Variants in THSD7B observed in about 807,000 individuals in gnomAD.
THSD7B encodes the protein thrombospondin type 1 domain containing 7B, also known as thrombospondin type-1 domain-containing protein 7B.
In THSD7B, 138 loss-of-function variants were observed where a neutral mutation model predicts 213.6. That is an observed-to-expected ratio of 0.65 (90% CI 0.56 to 0.74). The LOEUF is 0.74. Ranked by LOEUF, THSD7B falls within the 30% of genes least tolerant of loss-of-function variation. THSD7B has a pLI of 0.00. For synonymous variants in THSD7B, 742 were observed against 687.0 expected (o/e 1.08, Z -1.25); for missense variants, 1,931 against 1,991.5 (o/e 0.97, Z 0.58).
At chr2:137,254,928 G>T (rs549196347) in intron 10 of THSD7B, among the ~76,000 whole-genome samples, 2 of 152,040 alleles carry the variant, frequency 1.3e-5, no homozygotes, top group South Asian at 4.1e-4. Context: ...GAAAGAGTGA[G>T]GGGGGGCTCT....
At chr2:137,668,804 A>G (rs897585996) in intron 27 of THSD7B, among the ~76,000 whole-genome samples, 1 of 152,350 alleles carries the variant, frequency 6.6e-6, no homozygotes, top group Admixed American at 6.5e-5. Context: ...TAAGAAAATC[A>G]TAAGGAATAC....
intron 12 of THSD7B, among the ~76,000 whole-genome samples, chr2:137,350,971 A>G (rs1685000488): frequency 6.6e-6 from 1 of 151,842 alleles, no homozygotes; most frequent in Non-Finnish European, 1.5e-5. Flanking sequence ...TGGATATGTC[A>G]AGTTTGAAGA....
chr2:137,281,158 T>C (rs945893839), intron 12 of THSD7B, among the ~76,000 whole-genome samples: 3 of 152,134 alleles, frequency 2.0e-5, no homozygotes, highest in African/African-American at 7.2e-5. Context: ...AAGAGGCAGA[T>C]CTCTAAACTC....
At chr2:137,287,757 TG>T (rs1683219219) in intron 12 of THSD7B, among the ~76,000 whole-genome samples, 1 of 151,596 alleles carries the variant, frequency 6.6e-6, no homozygotes, top group African/African-American at 2.4e-5. Context: ...ATAAAATTGA[TG>T]TTGGATGTGA....
At chr2:137,183,211 T>A (rs1188271375) in intron 7 of THSD7B, among the ~76,000 whole-genome samples, 4 of 152,134 alleles carry the variant, frequency 2.6e-5, no homozygotes, top group African/African-American at 9.7e-5. Context: ...ACAGAAACAT[T>A]GAAGAGTTGA....
intron 1 of THSD7B, among the ~76,000 whole-genome samples, chr2:136,805,316 G>T (rs990845609): frequency 6.6e-6 from 1 of 152,148 alleles, no homozygotes; most frequent in East Asian, 1.9e-4. Flanking sequence ...AGTGTCCACA[G>T]TTCAATCTGT....
chr2:137,197,973 A>G (rs747181406), intron 7 of THSD7B, among the ~76,000 whole-genome samples: 1 of 152,130 alleles, frequency 6.6e-6, no homozygotes, highest in Admixed American at 6.6e-5. Flanking sequence ...TGTGCACAGT[A>G]TGTGTTGTGG....
chr2:137,544,495 G>A (rs569899478), intron 15 of THSD7B, among the ~76,000 whole-genome samples: 20 of 151,748 alleles, frequency 1.3e-4, no homozygotes, highest in Admixed American at 5.3e-4. Flanking sequence ...TTCTTTTAGC[G>A]ATGAGGAAAT....
intron 15 of THSD7B, among the ~76,000 whole-genome samples, chr2:137,546,454 ATTATATATAATAT>A: frequency 3.3e-5 from 1 of 30,658 alleles, no homozygotes; most frequent in Non-Finnish European, 5.1e-5. Flanking sequence ...TTATATATAT[ATTATATATAATAT>A]ATATATATAT....
At chr2:136,932,784 G>A (rs1684652637) in intron 2 of THSD7B, among the ~76,000 whole-genome samples, 1 of 152,134 alleles carries the variant, frequency 6.6e-6, no homozygotes, top group Admixed American at 6.5e-5. Flanking sequence ...AAGCGGACCT[G>A]TGCAGTTAAA....
intron 2 of THSD7B, among the ~76,000 whole-genome samples, chr2:136,913,351 A>T (rs1182473980): frequency 6.6e-6 from 1 of 152,234 alleles, no homozygotes. Flanking sequence ...AAGTTCAGAA[A>T]ATTTGCAACC....
intron 15 of THSD7B, among the ~76,000 whole-genome samples, chr2:137,493,034 T>G (rs1679462953): frequency 6.9e-6 from 1 of 145,672 alleles, no homozygotes; most frequent in South Asian, 2.2e-4. Context: ...GGAGGGAGAA[T>G]TGCTTGAACC....
At chr2:136,819,154 T>A (rs1316466250) in intron 1 of THSD7B, among the ~76,000 whole-genome samples, 1 of 152,126 alleles carries the variant, frequency 6.6e-6, no homozygotes, top group Non-Finnish European at 1.5e-5. Flanking sequence ...AAATATATAA[T>A]AGGCAAAAAA....
intron 2 of THSD7B, among the ~76,000 whole-genome samples, chr2:136,903,964 GTGTGTGTGTT>G (rs763778673): frequency 0.11 from 7,438 of 66,448 alleles, 426 homozygotes; most frequent in African/African-American, 0.26. Flanking sequence ...GTGTGTGTGT[GTGTGTGTGTT>G]TGTTTGTTTC....
intron 20 of THSD7B, among the ~76,000 whole-genome samples, chr2:137,627,548 A>C (rs1682654338): frequency 6.6e-6 from 1 of 152,152 alleles, no homozygotes; most frequent in African/African-American, 2.4e-5. Context: ...GCTACTCACA[A>C]ATGTATGTGC....
At chr2:137,079,768 G>T (rs1262590125) in intron 3 of THSD7B, among the ~76,000 whole-genome samples, 3 of 151,966 alleles carry the variant, frequency 2.0e-5, no homozygotes, top group African/African-American at 7.3e-5. Flanking sequence ...TTGTATTTAC[G>T]GTGTGTTTAA....
chr2:137,563,344 A>G lies in THSD7B; in HGVS notation c.3262A>G (p.Arg1088Gly), dbSNP rs972676139. Residue 1088 changes from arginine (R) to glycine (G), a missense_variant, in exon 16 of 28, where the codon AGG becomes GGG. Coordinates refer to ENST00000409968, the MANE Select transcript of THSD7B (RefSeq NM_001316349.2). ...GCGCTGTGGAGGAGGAACACAATCTAGGAAAATCAGGTGTGTGAAAATGGA... is the reference window on the plus strand; with the variant it reads ...GCGCTGTGGAGGAGGAACACAATCTGGGAAAATCAGGTGTGTGAAAATGGA... ...SLRCGGGTQS[R>G]KIRCVNTADG... 5 of 1,612,896 alleles carry G rather than the reference A, an allele frequency of 3.1e-6. No homozygotes were observed. Among genetic ancestry groups the G allele is most frequent in the Non-Finnish European group, 4.2e-6 (5 of 1,179,446 alleles).
At chr2:136,871,803 A>T (rs1683435752) in intron 1 of THSD7B, among the ~76,000 whole-genome samples, 1 of 152,292 alleles carries the variant, frequency 6.6e-6, no homozygotes, top group East Asian at 1.9e-4. Flanking sequence ...TCTTGGTATA[A>T]GCTGTGTCAG....
At chr2:137,333,930 G>T (rs1186210137) in intron 12 of THSD7B, among the ~76,000 whole-genome samples, 2 of 152,098 alleles carry the variant, frequency 1.3e-5, no homozygotes, top group Admixed American at 6.5e-5. Flanking sequence ...GTCTAATATG[G>T]TTCTAAACCA....
Sources: gnomAD v4.1 joint callset for allele counts (sites outside exome capture counted in the v4.1 genomes callset) on GRCh38, gnomAD v4.1.1 for gene constraint, MANE v1.5 for transcripts, NCBI Gene and HGNC (gene_info 2026-07-23, HGNC 2026-07-21) for gene names.